Variants in PDE5A observed in about 807,000 individuals in gnomAD.
PDE5A encodes phosphodiesterase 5A.
In PDE5A, 67 loss-of-function variants were observed where a neutral mutation model predicts 110.2. That is an observed-to-expected ratio of 0.61 (90% CI 0.50 to 0.75). The LOEUF (loss-of-function observed/expected upper bound fraction) is 0.75. PDE5A is among the 30% of genes least tolerant of loss of function. PDE5A has a pLI of 0.00. For missense variants in PDE5A, 862 were observed against 1,045.1 expected, an observed-to-expected ratio of 0.82 and a Z score of 2.42; for synonymous variants, 328 against 351.2, an observed-to-expected ratio of 0.93 and a Z score of 0.74.
intron 5 of PDE5A, among the ~76,000 whole-genome samples, chr4:119,564,977 G>A (rs901192278): frequency 6.6e-6 from 1 of 152,140 alleles, no homozygotes; most frequent in African/African-American, 2.4e-5. Flanking sequence ...AATATCTACA[G>A]TTGACAGAGC....
intron 11 of PDE5A, among the ~76,000 whole-genome samples, chr4:119,536,364 C>T (rs1726722868): frequency 6.6e-6 from 1 of 151,986 alleles, no homozygotes; most frequent in African/African-American, 2.4e-5. Flanking sequence ...ATAACTTAAC[C>T]CTGCAGTGCC....
At chr4:119,517,538 G>A (rs1560598725) in intron 14 of PDE5A, among the ~76,000 whole-genome samples, 1 of 149,778 alleles carries the variant, frequency 6.7e-6, no homozygotes, top group Admixed American at 6.6e-5. Flanking sequence ...GCTTTGTGGT[G>A]TGTGTGTGAA....
chr4:119,596,490 A>T, intron 3 of PDE5A, 33 bp downstream of exon 3: 1 of 1,202,834 alleles, frequency 8.3e-7, no homozygotes. Flanking sequence ...AAATATTTCC[A>T]ATGACCTTTT....
intron 17 of PDE5A, 79 bp downstream of exon 17, chr4:119,505,776 A>T: frequency 1.3e-6 from 1 of 796,598 alleles, no homozygotes; most frequent in African/African-American, 1.8e-5. Flanking sequence ...ATTGCAATAA[A>T]AACTAACAGT....
intron 13 of PDE5A, chr4:119,519,747 A>G (rs990106474): frequency 2.4e-4 from 37 of 152,248 alleles, no homozygotes; most frequent in African/African-American, 8.9e-4. Flanking sequence ...TCAGTACTCT[A>G]AATAGGTTTT....
In PDE5A at chr4:119,628,720, C is replaced by T. The variant is rs200924128; in HGVS notation, c.-49G>A. On this transcript the variant is annotated 5_prime_UTR_variant, in exon 1 of 21. Coordinates refer to ENST00000354960, the MANE Select transcript of PDE5A (RefSeq NM_001083.4). The stretch of plus-strand genomic sequence containing the variant: ...GCTCTCTGGTACTGCTTTTCCACCC[C>T]AGCTGGGGTCCGTCCCTCAGAAGAA... 27 of 1,598,896 alleles carry T rather than the reference C, an allele frequency of 1.7e-5. No homozygotes were observed. Among genetic ancestry groups the T allele is most frequent in the Middle Eastern group, 1.6e-4 (1 of 6,076 alleles).
Position 119,607,166 on chromosome 4 carries a change from C to T in PDE5A, c.284G>A (p.Gly95Glu). Residue 95 changes from glycine to glutamate, a missense_variant, in exon 2 of 21, where the codon GGA becomes GAA. Physicochemically the swap from Gly to Glu is moderately conservative, Grantham distance 98. Coordinates refer to ENST00000354960, the MANE Select transcript of PDE5A (RefSeq NM_001083.4). ...GGCAGAGATTTTCCTGGTTGGTGTT[C>T]CAGGGGCACTGTTATCTGCACGAGG... ...QSPRADNSAP[G>E]TPTRKISASE... is the part of the protein sequence containing the mutation. The T allele has an allele frequency of 6.2e-7, 1 of 1,614,084 alleles. No homozygotes were observed. The highest frequency in any genetic ancestry group is 8.5e-7 in the Non-Finnish European group (1 of 1,180,006).
At position 119,495,460 on chromosome 4, in the gene PDE5A, T is replaced by C. The variant is rs1189750608; in HGVS notation, c.*3141A>G. 1 of 152,474 alleles carries C rather than the reference T, an allele frequency of 6.6e-6. No individual in the cohort carries two copies. The highest frequency in any genetic ancestry group is 2.4e-5 in the African/African-American group (1 of 41,426). The allele number at this position is 152,474 out of a possible 1,614,324, so 9.4% of individuals were successfully genotyped here. A position where few individuals can be genotyped will look rare whatever the true frequency, so the allele number is the denominator to read the frequency against. On this transcript the variant is annotated 3_prime_UTR_variant, in exon 21 of 21. Coordinates refer to ENST00000354960, the MANE Select transcript of PDE5A (RefSeq NM_001083.4). Reference sequence around the variant, plus strand: ...AATCTTGTAAACAAAAGACAATTGCTTGTGATGGCCTGTTAAGTTTTAGGA... The same window carrying C: ...AATCTTGTAAACAAAAGACAATTGCCTGTGATGGCCTGTTAAGTTTTAGGA...
intron 3 of PDE5A, among the ~76,000 whole-genome samples, chr4:119,592,456 T>TTAAAAAAAA (rs1729009629): frequency 1.5e-5 from 1 of 66,176 alleles, no homozygotes; most frequent in Non-Finnish European, 2.6e-5. Context: ...AGACTCTGTT[T>TTAAAAAAAA]AAAAAAAAAA....
intron 3 of PDE5A, among the ~76,000 whole-genome samples, chr4:119,587,226 C>A (rs1355196566): frequency 9.7e-6 from 1 of 103,034 alleles, no homozygotes; most frequent in African/African-American, 3.6e-5. Context: ...TGTAACTTTT[C>A]CTTTTTTTTT....
chr4:119,552,905 T>C (rs979028459), intron 8 of PDE5A, among the ~76,000 whole-genome samples: 4 of 137,172 alleles, frequency 2.9e-5, no homozygotes, highest in African/African-American at 1.1e-4. Context: ...TAAAAATAAG[T>C]TAAAAAAAAT....
At chr4:119,534,981 C>A (rs192186085) in intron 11 of PDE5A, among the ~76,000 whole-genome samples, 1 of 152,326 alleles carries the variant, frequency 6.6e-6, no homozygotes, top group African/African-American at 2.4e-5. Flanking sequence ...TGAAACAGCA[C>A]TGCCTCCGTG....
intron 15 of PDE5A, 100 bp downstream of exon 15, chr4:119,510,947 C>T (rs1578730286): frequency 3.7e-6 from 3 of 815,254 alleles, no homozygotes; most frequent in East Asian, 5.1e-5. Flanking sequence ...AAAGTATGTG[C>T]AAGAATTTAT....
rs749403936 is a variant in PDE5A, at chr4:119,606,913, C to T, written c.537G>A (p.Leu179=). The part of the protein sequence containing the change: ...CHKIFLHIHG[L]ISADRYSLFL... Reference sequence around the variant, plus strand: ...ACAGGGAATAGCGGTCAGCAGATATCAGTCCATGGATATGCAAGAAAATTT... The same window carrying T: ...ACAGGGAATAGCGGTCAGCAGATATTAGTCCATGGATATGCAAGAAAATTT... The change falls in exon 2 of 21, where the codon CTG becomes CTA. Residue 179 remains leucine (L), a synonymous_variant. Transcript: ENST00000354960. 9 of 1,614,144 alleles carry T rather than the reference C, an allele frequency of 5.6e-6. No individual in the cohort carries two copies. The East Asian group carries it at 1.3e-4, about 24-fold the overall frequency.
Position 119,498,436 on chromosome 4 carries a change from C to T in PDE5A, c.*165G>A. ...TATACAAAAAATATGTAATAGTCCTCTAAAAACATTCATGCTATACTCTCA... is the reference window on the plus strand; with the variant it reads ...TATACAAAAAATATGTAATAGTCCTTTAAAAACATTCATGCTATACTCTCA... On this transcript the variant is annotated 3_prime_UTR_variant, in exon 21 of 21. Transcript: ENST00000354960. 1 of 667,116 alleles carries T rather than the reference C, an allele frequency of 1.5e-6. No homozygotes were observed. The highest frequency in any genetic ancestry group is 2.5e-6 in the Non-Finnish European group (1 of 402,330). The allele number at this position is 667,116 out of a possible 1,614,324, so 41.3% of individuals were successfully genotyped here.
intron 16 of PDE5A, among the ~76,000 whole-genome samples, chr4:119,507,231 T>C (rs1203976280): frequency 2.6e-5 from 4 of 151,916 alleles, no homozygotes; most frequent in Non-Finnish European, 4.4e-5. Context: ...TAAGCTTGAA[T>C]GACGGTATAA....
At chr4:119,625,505 T>C (rs746700570) in intron 1 of PDE5A, among the ~76,000 whole-genome samples, 4 of 152,124 alleles carry the variant, frequency 2.6e-5, no homozygotes, top group Non-Finnish European at 5.9e-5. Flanking sequence ...TGCATGAATG[T>C]CGAATGACAA....
At chr4:119,585,576 T>A (rs972992069) in intron 3 of PDE5A, among the ~76,000 whole-genome samples, 2 of 152,136 alleles carry the variant, frequency 1.3e-5, no homozygotes, top group African/African-American at 4.8e-5. Context: ...TGGCTAGTTT[T>A]AAGGAAAGAG....
chr4:119,580,072 G>A (rs1443330020), intron 3 of PDE5A, among the ~76,000 whole-genome samples: 1 of 152,136 alleles, frequency 6.6e-6, no homozygotes, highest in Non-Finnish European at 1.5e-5. Context: ...GGGGTCAGTA[G>A]CTGTCCTGCC....
Sources: allele counts gnomAD v4.1 joint callset (sites outside exome capture counted in the v4.1 genomes callset), GRCh38; gene constraint gnomAD v4.1.1; transcripts MANE v1.5; gene names NCBI Gene and HGNC (gene_info 2026-07-23, HGNC 2026-07-21).